PCDHGB5: variants seen among roughly 807,000 people sequenced by gnomAD.
PCDHGB5 encodes protocadherin gamma-B5.
In PCDHGB5, 48 loss-of-function variants were observed where a neutral mutation model predicts 62.9. The observed-to-expected ratio is 0.76, with a 90% CI of 0.61 to 0.97. The LOEUF is 0.97. PCDHGB5 is among the 50% of genes least tolerant of loss of function. The pLI, the probability that PCDHGB5 is intolerant of heterozygous loss-of-function variation, is 0.00. For synonymous variants in PCDHGB5, 474 were observed against 511.2 expected (o/e 0.93, Z 0.98); for missense variants, 1,118 against 1,198.6 (o/e 0.93, Z 0.99).
chr5:141,491,138 C>T lies in PCDHGB5; in HGVS notation c.2398-3669C>T. The T allele has an allele frequency of 1.2e-6, 2 of 1,614,106 alleles. No individual in the cohort carries two copies. The highest frequency in any genetic ancestry group is 1.7e-6 in the Non-Finnish European group (2 of 1,179,962). On this transcript the variant is annotated intron_variant, in intron 1 of 3. Transcript: ENST00000617380. The surrounding 1 kb of genome is among the most constrained non-coding windows in gnomAD (Gnocchi z 6.9). ...ACTGGTGAGGTGCGCACAGCCCGGG[C>T]CTTACTGGAGGATGACTCTGACACC...
Position 141,468,837 on chromosome 5 carries a change from G to A in PCDHGB5, c.2398-25970G>A, listed in dbSNP as rs550455857. ...GCCAAGATCAAGCCACTGCACTCCA[G>A]CCTGGGCAACAGAGCGAGACTCCAT... On this transcript the variant is annotated intron_variant, in intron 1 of 3. Transcript: ENST00000617380. 3.3e-5 allele frequency among the ~76,000 whole-genome samples: 5 copies of A among 152,228 alleles called. No homozygotes were observed. The East Asian group carries it at 9.7e-4, about 29-fold the overall frequency.
chr5:141,411,752 C>T (rs2095512204), intron 1 of PCDHGB5: 1 of 152,734 alleles, frequency 6.5e-6, no homozygotes. Context: ...TGTGGTGGCA[C>T]ATGCCTGTGG....
At position 141,476,359 on chromosome 5, in the gene PCDHGB5, G is replaced by A; in HGVS notation, c.2398-18448G>A. On this transcript the variant is annotated intron_variant, in intron 1 of 3. Coordinates refer to ENST00000617380, the MANE Select transcript of PCDHGB5 (RefSeq NM_018925.3). This position sits in a 1 kb window ranked among gnomAD's most constrained non-coding sequence, Gnocchi z 7.6. ...GCCGAAGATTCTTTGAGGTGAACCG[G>A]GAGACCGGAGAGATGTTTGTGAACG... The A allele has an allele frequency of 6.2e-7, 1 of 1,614,170 alleles. No individual in the cohort carries two copies. The highest frequency in any genetic ancestry group is 8.5e-7 in the Non-Finnish European group (1 of 1,180,020).
intron 1 of PCDHGB5, chr5:141,418,432 T>A: frequency 6.2e-7 from 1 of 1,613,956 alleles, no homozygotes; most frequent in East Asian, 2.2e-5. Context: ...GTGGCAAATA[T>A]CCAGAATTAG....
intron 1 of PCDHGB5, chr5:141,421,788 G>T: frequency 6.2e-7 from 1 of 1,613,800 alleles, no homozygotes; most frequent in Non-Finnish European, 8.5e-7. Flanking sequence ...GGGGCAGAAC[G>T]GATGGGGCCA....
At chr5:141,429,037 G>A (rs1404164429) in intron 1 of PCDHGB5, 1 of 152,054 alleles carries the variant, frequency 6.6e-6, no homozygotes, top group African/African-American at 2.4e-5. Flanking sequence ...TGCATTTTTA[G>A]TACAGACGGG....
chr5:141,407,676 T>C (rs990367714), intron 1 of PCDHGB5, among the ~76,000 whole-genome samples: 1 of 152,162 alleles, frequency 6.6e-6, no homozygotes, highest in African/African-American at 2.4e-5. Flanking sequence ...TAAACAAAGA[T>C]TGGCTTTGTG....
In PCDHGB5 at chr5:141,399,285, C is replaced by T. The variant is rs751998465; in HGVS notation, c.1158C>T (p.Val386=). 3 of 1,613,720 alleles carry T rather than the reference C, an allele frequency of 1.9e-6. No homozygotes were observed. In the African/African-American group the frequency reaches 4.0e-5, roughly 22 times the overall value. ...TTAATTGTCAATTACAAGGCGAAGTCCCTTTTAAGATTATCTCTTCATCCA... is the reference window on the plus strand; with the variant it reads ...TTAATTGTCAATTACAAGGCGAAGTTCCTTTTAAGATTATCTCTTCATCCA... ...GEVNCQLQGE[V]PFKIISSSKN... Residue 386 remains valine, a synonymous_variant, in exon 1 of 4, where the codon GTC becomes GTT. Coordinates refer to ENST00000617380, the MANE Select transcript of PCDHGB5 (RefSeq NM_018925.3).
intron 1 of PCDHGB5, chr5:141,410,354 T>C (rs2095384532): frequency 3.7e-6 from 6 of 1,614,048 alleles, no homozygotes; most frequent in Non-Finnish European, 5.1e-6. Context: ...CCTGCGACGC[T>C]CTCTCAGCCC....
At chr5:141,405,380 A>G in intron 1 of PCDHGB5, 1 of 1,602,960 alleles carries the variant, frequency 6.2e-7, no homozygotes, top group Non-Finnish European at 8.5e-7. Context: ...GGTTCCGGTG[A>G]GTTCATTTTT....
At chr5:141,409,423 T>C in intron 1 of PCDHGB5, 1 of 1,614,026 alleles carries the variant, frequency 6.2e-7, no homozygotes. Flanking sequence ...TGGTGACAGA[T>C]GGAGCCCTGG....
chr5:141,410,380 C>T, intron 1 of PCDHGB5: 1 of 1,614,072 alleles, frequency 6.2e-7, no homozygotes, highest in Non-Finnish European at 8.5e-7. Flanking sequence ...CTTGGGACTG[C>T]TTCCATCCTG....
rs752392369 is a variant in PCDHGB5 at position 141,422,109 on chromosome 5, A to G, written c.2397+21585A>G. ...AAAGCAAGGCTTCTGAAATATTCCA[A>G]TTGGATTCACAAACTGGAGAAGTTC... On this transcript the variant is annotated intron_variant, in intron 1 of 3. Coordinates refer to ENST00000617380, the MANE Select transcript of PCDHGB5 (RefSeq NM_018925.3). 6 of 1,606,850 alleles carry G rather than the reference A, an allele frequency of 3.7e-6. No homozygotes were observed. The African/African-American group carries it at 4.0e-5, about 11-fold the overall frequency.
chr5:141,431,921 G>A lies in PCDHGB5; in HGVS notation c.2397+31397G>A. The A allele has an allele frequency of 1.9e-6, 3 of 1,614,142 alleles. No homozygotes were observed. Among genetic ancestry groups the A allele is most frequent in the South Asian group, 2.2e-5 (2 of 91,084 alleles). On this transcript the variant is annotated intron_variant, in intron 1 of 3. Transcript: ENST00000617380. The surrounding 1 kb of genome is among the most constrained non-coding windows in gnomAD (Gnocchi z 4.8). ...CGGACAGGTGATCTGTTTCATCCAA[G>A]GAAATCTGCCCTTTAAATTAGAAAA...
chr5:141,415,599 C>G (rs201075690), intron 1 of PCDHGB5: 321 of 1,613,514 alleles, frequency 2.0e-4, no homozygotes, highest in South Asian at 6.6e-4. Context: ...TAGAGGATAC[C>G]CCATTGGTTC....
At chr5:141,435,055 A>T (rs148331367) in intron 1 of PCDHGB5, among the ~76,000 whole-genome samples, 5 of 152,124 alleles carry the variant, frequency 3.3e-5, no homozygotes, top group Non-Finnish European at 7.4e-5. Flanking sequence ...TTGACCATGC[A>T]GCAGTTTTGT....
chr5:141,490,640 G>C lies in PCDHGB5; in HGVS notation c.2398-4167G>C, dbSNP rs774630488. 1 of 1,614,122 alleles carries C rather than the reference G, an allele frequency of 6.2e-7. No individual in the cohort carries two copies. The highest frequency in any genetic ancestry group is 8.5e-7 in the Non-Finnish European group (1 of 1,180,012). On this transcript the variant is annotated intron_variant, in intron 1 of 3. Coordinates refer to ENST00000617380, the MANE Select transcript of PCDHGB5 (RefSeq NM_018925.3). This position sits in a 1 kb window ranked among gnomAD's most constrained non-coding sequence, Gnocchi z 5.4. The stretch of plus-strand genomic sequence containing the variant: ...TACACTGCTTACATCCTAGAAAACC[G>C]GCCTCCGGGCTCCCTTCTTTGCACT...
chr5:141,412,040 G>A (rs1046669003), intron 1 of PCDHGB5: 1 of 152,230 alleles, frequency 6.6e-6, no homozygotes, highest in African/African-American at 2.4e-5. Flanking sequence ...TGTGAAAGAA[G>A]TGAACTTCTA....
chr5:141,409,706 T>A, intron 1 of PCDHGB5: 1 of 1,613,210 alleles, frequency 6.2e-7, no homozygotes, highest in Non-Finnish European at 8.5e-7. Context: ...CCTGGCGGTG[T>A]CGTCATACGT....
Sources: allele counts gnomAD v4.1 joint callset (sites outside exome capture counted in the v4.1 genomes callset), GRCh38; gene constraint gnomAD v4.1.1; non-coding constraint Gnocchi (gnomAD v3.1); transcripts MANE v1.5; gene names NCBI Gene and HGNC (gene_info 2026-07-23, HGNC 2026-07-21).